The following KLHL4 variants were observed in gnomAD, a reference collection of about 807,000 sequenced individuals.
KLHL4 encodes kelch-like protein 4.
Under a neutral mutation model 45.8 loss-of-function variants are expected in KLHL4, and 17 were observed. That is an observed-to-expected ratio of 0.37 (90% CI 0.25 to 0.56). KLHL4 has a LOEUF of 0.56. Among genes scored for constraint, KLHL4 ranks in the 20% least tolerant of loss-of-function variants. The pLI is 0.79. For synonymous variants in KLHL4, 224 were observed against 189.9 expected, an observed-to-expected ratio of 1.18 and a Z score of -1.47; for missense variants, 544 against 544.9, an observed-to-expected ratio of 1.00 and a Z score of 0.02.
intron 1 of KLHL4, among the ~76,000 whole-genome samples, chrX:87,587,084 A>G (rs1458246434): frequency 9.9e-6 from 1 of 100,866 alleles, no homozygotes; most frequent in African/African-American, 3.6e-5. Context: ...TAAATCTAAA[A>G]CCTGAACAGA....
At chrX:87,644,901 G>T (rs1378666536) in intron 9 of KLHL4, among the ~76,000 whole-genome samples, 1 of 111,539 alleles carries the variant, frequency 9.0e-6, no homozygotes, top group Non-Finnish European at 1.9e-5. Context: ...AAATCAACTT[G>T]GGATGGATTA....
intron 1 of KLHL4, among the ~76,000 whole-genome samples, chrX:87,544,908 A>G (rs1480287435): frequency 8.9e-6 from 1 of 111,888 alleles, no homozygotes; most frequent in South Asian, 3.7e-4. Flanking sequence ...CAAAAAACAC[A>G]TACTAGGATC....
intron 1 of KLHL4, among the ~76,000 whole-genome samples, chrX:87,596,877 C>T (rs1215189462): frequency 8.9e-6 from 1 of 112,212 alleles, no homozygotes; most frequent in African/African-American, 3.2e-5. Flanking sequence ...CATCCAGATC[C>T]TGACAAGATT....
At chrX:87,530,854 C>A (rs1306432572) in intron 1 of KLHL4, among the ~76,000 whole-genome samples, 2 of 108,866 alleles carry the variant, frequency 1.8e-5, no homozygotes, top group African/African-American at 3.4e-5. Flanking sequence ...ACACTGACTT[C>A]CAAAATGGTT....
intron 1 of KLHL4, among the ~76,000 whole-genome samples, chrX:87,593,077 T>C (rs1921727500): frequency 8.9e-6 from 1 of 111,915 alleles, no homozygotes; most frequent in Non-Finnish European, 1.9e-5. Flanking sequence ...TATTGATGAA[T>C]ACTTGTATGT....
intron 1 of KLHL4, among the ~76,000 whole-genome samples, chrX:87,602,220 CTAAA>C (rs1025304492): frequency 2.7e-5 from 3 of 110,562 alleles, no homozygotes; most frequent in South Asian, 3.8e-4. Flanking sequence ...CTTACTGTAA[CTAAA>C]TAAGCTAAGT....
At chrX:87,549,955 A>G (rs896296291) in intron 1 of KLHL4, among the ~76,000 whole-genome samples, 2 of 111,797 alleles carry the variant, frequency 1.8e-5, no homozygotes, top group Non-Finnish European at 3.8e-5. Context: ...AACAATTCAA[A>G]AGATCAATGA....
intron 1 of KLHL4, among the ~76,000 whole-genome samples, chrX:87,568,847 A>C (rs2147788942): frequency 8.9e-6 from 1 of 111,839 alleles, no homozygotes; most frequent in African/African-American, 3.2e-5. Flanking sequence ...GAAATAACTC[A>C]AAATGGATGA....
intron 1 of KLHL4, among the ~76,000 whole-genome samples, chrX:87,543,609 C>T (rs1931612547): frequency 9.0e-6 from 1 of 110,923 alleles, no homozygotes; most frequent in Non-Finnish European, 1.9e-5. Flanking sequence ...TGTTAGAGTA[C>T]AAAGGAAACC....
At chrX:87,521,422 A>G (rs1930998635) in intron 1 of KLHL4, among the ~76,000 whole-genome samples, 1 of 111,966 alleles carries the variant, frequency 8.9e-6, no homozygotes, top group African/African-American at 3.2e-5. Flanking sequence ...TAGGGATAAA[A>G]CAGGATCAAA....
At chrX:87,548,721 G>T (rs1931737529) in intron 1 of KLHL4, among the ~76,000 whole-genome samples, 1 of 108,976 alleles carries the variant, frequency 9.2e-6, no homozygotes, top group African/African-American at 3.3e-5. Context: ...TCTGATAAAG[G>T]TAATATTAAC....
intron 1 of KLHL4, among the ~76,000 whole-genome samples, chrX:87,553,163 G>A (rs1931872860): frequency 9.1e-6 from 1 of 110,280 alleles, no homozygotes; most frequent in East Asian, 2.8e-4. Flanking sequence ...TTGATAATGT[G>A]GTTAGCTCTG....
intron 9 of KLHL4, among the ~76,000 whole-genome samples, 192 bp downstream of exon 9, chrX:87,635,967 T>G (rs1923252336): frequency 8.9e-6 from 1 of 111,806 alleles, no homozygotes; most frequent in Admixed American, 9.5e-5. Context: ...TCTAGTCCCC[T>G]CCTGTTCTAG....
intron 1 of KLHL4, among the ~76,000 whole-genome samples, chrX:87,520,324 A>G (rs776361236): frequency 8.9e-6 from 1 of 112,365 alleles, no homozygotes; most frequent in South Asian, 3.7e-4. Flanking sequence ...CCATCCCCTC[A>G]ATATGACTCC....
At chrX:87,521,802 C>T (rs1418199628) in intron 1 of KLHL4, among the ~76,000 whole-genome samples, 6 of 112,044 alleles carry the variant, frequency 5.4e-5, no homozygotes, top group East Asian at 2.8e-4. Context: ...ATTCCTTAAC[C>T]GGTGAACTAA....
At chrX:87,550,211 A>G (rs1931781082) in intron 1 of KLHL4, among the ~76,000 whole-genome samples, 1 of 111,223 alleles carries the variant, frequency 9.0e-6, no homozygotes, top group Non-Finnish European at 1.9e-5. Context: ...CCAGGAAGAA[A>G]TTCAAAACCT....
At chrX:87,650,135 C>T (rs940889101) in intron 9 of KLHL4, among the ~76,000 whole-genome samples, 2 of 111,372 alleles carry the variant, frequency 1.8e-5, no homozygotes, top group Admixed American at 9.6e-5. Context: ...GGGTCTCCAT[C>T]TGTCACCAAG....
chrX:87,639,136 C>T (rs1449720802), intron 9 of KLHL4, among the ~76,000 whole-genome samples: 1 of 111,437 alleles, frequency 9.0e-6, no homozygotes, highest in Non-Finnish European at 1.9e-5. Flanking sequence ...ACTAGTCCAA[C>T]AGGAAAATAT....
Position 87,664,858 on chromosome X carries a change from G to T in KLHL4, c.2020G>T (p.Val674Leu), listed in dbSNP as rs186628616. The T allele has an allele frequency of 3.3e-6, 4 of 1,196,942 alleles. No homozygotes were observed. Among genetic ancestry groups the T allele is most frequent in the Non-Finnish European group, 3.4e-6 (3 of 883,848 alleles). Residue 674 changes from valine to leucine, a missense_variant, in exon 10 of 11, where the codon GTG becomes TTG. By Grantham distance (32) the Val-to-Leu change is conservative. Coordinates refer to ENST00000373119, the MANE Select transcript of KLHL4 (RefSeq NM_019117.5). ...AVCPLGDKLY[V>L]VGGYDGHTYL... ...GTGCCCTCTTGGAGACAAACTCTAC[G>T]TGGTTGGAGGATATGACGGACATAC...
Sources: gnomAD v4.1 joint callset for allele counts (sites outside exome capture counted in the v4.1 genomes callset) on GRCh38, gnomAD v4.1.1 for gene constraint, MANE v1.5 for transcripts, NCBI Gene and HGNC (gene_info 2026-07-23, HGNC 2026-07-21) for gene names.